DSCAM: variants seen among roughly 807,000 people sequenced by gnomAD.
The protein encoded by DSCAM is DS cell adhesion molecule.
DSCAM carries 47 observed loss-of-function variants against 217.7 expected under a neutral mutation model. The observed-to-expected ratio is 0.22, with a 90% CI of 0.17 to 0.28. The LOEUF (loss-of-function observed/expected upper bound fraction) is 0.28, where lower values mean the gene tolerates loss of function less well. DSCAM is among the 10% of genes least tolerant of loss of function. The pLI, the probability that DSCAM is intolerant of heterozygous loss-of-function variation, is 1.00. For synonymous variants in DSCAM, 1,056 were observed against 1,015.3 expected (o/e 1.04, Z -0.76); for missense variants, 2,080 against 2,618.3 (o/e 0.79, Z 4.49).
At chr21:40,577,920 TG>T (rs1402240415) in intron 3 of DSCAM, among the ~76,000 whole-genome samples, 1 of 152,132 alleles carries the variant, frequency 6.6e-6, no homozygotes, top group African/African-American at 2.4e-5. Context: ...TTGGATGTGC[TG>T]GGAGTCAGCT....
intron 1 of DSCAM, among the ~76,000 whole-genome samples, chr21:40,798,454 A>T (rs987050919): frequency 3.3e-5 from 5 of 152,132 alleles, no homozygotes; most frequent in Non-Finnish European, 7.4e-5. Flanking sequence ...CATACCTTTT[A>T]AAAATTAATA....
intron 3 of DSCAM, among the ~76,000 whole-genome samples, chr21:40,374,276 T>C (rs1281555939): frequency 6.6e-6 from 1 of 152,244 alleles, no homozygotes; most frequent in Non-Finnish European, 1.5e-5. Flanking sequence ...TATTCTGCTG[T>C]TCTGGACAAT....
At chr21:40,073,563 G>A (rs1387794741) in intron 27 of DSCAM, among the ~76,000 whole-genome samples, 2 of 152,156 alleles carry the variant, frequency 1.3e-5, no homozygotes, top group Non-Finnish European at 2.9e-5. Context: ...TCACCATAAT[G>A]GGCTGTATTA....
chr21:40,611,206 A>T (rs1470259674), intron 3 of DSCAM, among the ~76,000 whole-genome samples: 2 of 151,578 alleles, frequency 1.3e-5, no homozygotes, highest in Non-Finnish European at 2.9e-5. Flanking sequence ...CTACAGGTGC[A>T]CGCCTCCACC....
At chr21:40,217,965 T>C (rs1442597913) in intron 11 of DSCAM, among the ~76,000 whole-genome samples, 7 of 152,204 alleles carry the variant, frequency 4.6e-5, no homozygotes, top group Non-Finnish European at 1.0e-4. Context: ...TTTACTCTGT[T>C]GATCATTTCT....
chr21:40,545,813 C>T (rs1016825452), intron 3 of DSCAM, among the ~76,000 whole-genome samples: 3 of 152,198 alleles, frequency 2.0e-5, no homozygotes, highest in Non-Finnish European at 4.4e-5. Context: ...TGGCTTCAGC[C>T]CCTAGCCCCC....
At chr21:40,219,898 T>C (rs1188489867) in intron 11 of DSCAM, among the ~76,000 whole-genome samples, 1 of 152,206 alleles carries the variant, frequency 6.6e-6, no homozygotes, top group African/African-American at 2.4e-5. Context: ...ATACACCAAA[T>C]AGCATTTTTG....
intron 1 of DSCAM, among the ~76,000 whole-genome samples, chr21:40,732,964 T>G (rs2091027813): frequency 6.6e-6 from 1 of 152,202 alleles, no homozygotes; most frequent in African/African-American, 2.4e-5. Context: ...TTTGAGGCAA[T>G]TACAGCGACA....
At chr21:40,545,810 A>G (rs1458423960) in intron 3 of DSCAM, among the ~76,000 whole-genome samples, 1 of 152,212 alleles carries the variant, frequency 6.6e-6, no homozygotes, top group Non-Finnish European at 1.5e-5. Context: ...AAGTGGCTTC[A>G]GCCCCTAGCC....
chr21:40,350,816 T>G (rs2123639221), intron 5 of DSCAM, among the ~76,000 whole-genome samples: 1 of 151,836 alleles, frequency 6.6e-6, no homozygotes, highest in East Asian at 1.9e-4. Context: ...TCCCTGAGAT[T>G]TTGGAATTAA....
intron 3 of DSCAM, among the ~76,000 whole-genome samples, chr21:40,682,189 A>AG (rs1301976119): frequency 3.4e-5 from 4 of 116,024 alleles, no homozygotes; most frequent in Admixed American, 2.0e-4. Flanking sequence ...AGGTGGCCAG[A>AG]GGGATGCGGG....
At chr21:40,233,467 G>T (rs2091399577) in intron 11 of DSCAM, among the ~76,000 whole-genome samples, 2 of 152,066 alleles carry the variant, frequency 1.3e-5, no homozygotes, top group Admixed American at 6.5e-5. Context: ...AATTTCTACT[G>T]ACCATGCTTC....
intron 9 of DSCAM, among the ~76,000 whole-genome samples, chr21:40,305,078 A>T (rs1361573734): frequency 1.3e-5 from 2 of 152,062 alleles, no homozygotes; most frequent in African/African-American, 2.4e-5. Context: ...AAAAAATGCG[A>T]TATCTGGGAA....
At chr21:40,577,974 G>A (rs2146215397) in intron 3 of DSCAM, among the ~76,000 whole-genome samples, 1 of 152,304 alleles carries the variant, frequency 6.6e-6, no homozygotes, top group Middle Eastern at 3.4e-3. Context: ...CAGTCAAAGA[G>A]CCAAGATGGA....
At chr21:40,208,965 A>C (rs2091154809) in intron 11 of DSCAM, among the ~76,000 whole-genome samples, 1 of 152,202 alleles carries the variant, frequency 6.6e-6, no homozygotes, top group African/African-American at 2.4e-5. Context: ...GGTCTGAGCT[A>C]TTGTGATTTC....
At chr21:40,381,215 G>C (rs901531125) in intron 3 of DSCAM, among the ~76,000 whole-genome samples, 2 of 152,136 alleles carry the variant, frequency 1.3e-5, no homozygotes, top group African/African-American at 4.8e-5. Flanking sequence ...CCAGGAATAA[G>C]AACCACGGGG....
At position 40,557,186 on chromosome 21, in the gene DSCAM, G is replaced by A. The variant is rs368209942; in HGVS notation, c.508+135624C>T. Among the ~76,000 whole-genome samples the A allele has an allele frequency of 2.7e-4, 41 of 152,238 alleles. No individual in the cohort carries two copies. The East Asian group carries it at 4.1e-3, about 15-fold the overall frequency. On this transcript the variant is annotated intron_variant, in intron 3 of 32. Transcript: ENST00000400454. ...CATACTAAAATTTTATCCCCAGTGT[G>A]GCAGTGTTGGGAGGTGGGGCCAAGT...
intron 13 of DSCAM, among the ~76,000 whole-genome samples, chr21:40,187,484 T>C (rs556588735): frequency 6.6e-6 from 1 of 152,334 alleles, no homozygotes; most frequent in African/African-American, 2.4e-5. Context: ...GGACCAAGCC[T>C]GGAGGATATA....
chr21:40,533,215 C>T (rs994877971), intron 3 of DSCAM, among the ~76,000 whole-genome samples: 2 of 152,168 alleles, frequency 1.3e-5, no homozygotes, highest in African/African-American at 4.8e-5. Context: ...CAAAACTATC[C>T]TTACCTCCTG....
Sources: allele counts gnomAD v4.1 joint callset (sites outside exome capture counted in the v4.1 genomes callset), GRCh38; gene constraint gnomAD v4.1.1; transcripts MANE v1.5; gene names NCBI Gene and HGNC (gene_info 2026-07-23, HGNC 2026-07-21).